SAMMSON: variants seen among roughly 807,000 people sequenced by gnomAD.
SAMMSON encodes survival associated mitochondrial melanoma specific oncogenic non-coding RNA, also known as long intergenic non-protein coding RNA 1212.
intron 4 of SAMMSON, among the ~76,000 whole-genome samples, chr3:70,195,581 T>C (rs1701168177): frequency 6.6e-6 from 1 of 152,200 alleles, no homozygotes; most frequent in South Asian, 2.1e-4. Flanking sequence ...AAAAAACAGG[T>C]ATTTTGGAGC....
rs75749269 is a variant in SAMMSON at position 70,337,402 on chromosome 3, C to T, written n.740-16773C>T. 5.2e-3 allele frequency among the ~76,000 whole-genome samples: 786 copies of T among 151,544 alleles called. 10 individuals are homozygous for T. Among genetic ancestry groups the T allele is most frequent in the African/African-American group, 0.017 (718 of 41,390 alleles). ...GCTGGCAAAGTTGGAATATAGCTAC[C>T]CTGTTAAGTGCTTGTTTTCCCTATT... On this transcript the variant is annotated intron_variant and non_coding_transcript_variant, in intron 7 of 9. Transcript: ENST00000642114.
intron 4 of SAMMSON, chr3:70,204,855 G>T (rs1190067629): frequency 1.3e-5 from 2 of 152,044 alleles, no homozygotes; most frequent in Non-Finnish European, 2.9e-5. Flanking sequence ...ATGTACAATG[G>T]CAATTCCCAG....
At chr3:70,258,185 A>G (rs1701834470) in intron 6 of SAMMSON, among the ~76,000 whole-genome samples, 1 of 152,188 alleles carries the variant, frequency 6.6e-6, no homozygotes. Context: ...ATCATGTTCT[A>G]GAATAAAATA....
intron 9 of SAMMSON, among the ~76,000 whole-genome samples, chr3:70,373,401 T>C (rs1702986883): frequency 6.6e-6 from 1 of 152,184 alleles, no homozygotes; most frequent in South Asian, 2.1e-4. Context: ...AGTTTTCCTT[T>C]GTTTTTAATT....
intron 7 of SAMMSON, among the ~76,000 whole-genome samples, chr3:70,308,456 A>G (rs1024914737): frequency 6.6e-6 from 1 of 152,126 alleles, no homozygotes; most frequent in Non-Finnish European, 1.5e-5. Context: ...GGGTCTGTCA[A>G]TGGTGTTTCT....
rs150211171 is a variant in SAMMSON, at chr3:70,027,878, C to T, written n.417+14206C>T. Among the ~76,000 whole-genome samples, 12 of 152,202 alleles carry T rather than the reference C, an allele frequency of 7.9e-5. 1 individual carries two copies. The highest frequency in any genetic ancestry group is 1.7e-4 in the African/African-American group (7 of 41,546). On this transcript the variant is annotated intron_variant and non_coding_transcript_variant, in intron 3 of 9. Transcript: ENST00000642114. ...GCAAGGTAATGCGGTGATTTCTTTTCGGGCCCCAGCAAAGAATACAGAAGA... is the reference window on the plus strand; with the variant it reads ...GCAAGGTAATGCGGTGATTTCTTTTTGGGCCCCAGCAAAGAATACAGAAGA...
At chr3:70,352,969 T>G (rs1702803766) in intron 7 of SAMMSON, among the ~76,000 whole-genome samples, 1 of 151,916 alleles carries the variant, frequency 6.6e-6, no homozygotes, top group Non-Finnish European at 1.5e-5. Context: ...AATAAACAAT[T>G]CAATGGAACA....
At chr3:70,082,632 A>G (rs72935466) in intron 4 of SAMMSON, among the ~76,000 whole-genome samples, 2,334 of 152,258 alleles carry the variant, frequency 0.015, 52 homozygotes, top group African/African-American at 0.052. Flanking sequence ...AGTGGAAAAA[A>G]TGTGGAGTGG....
chr3:70,420,535 T>C (rs1170837368), intron 2 of SAMMSON, among the ~76,000 whole-genome samples: 1 of 152,226 alleles, frequency 6.6e-6, no homozygotes, highest in African/African-American at 2.4e-5. Flanking sequence ...CTTATTTCAA[T>C]TTACATGCAA....
intron 4 of SAMMSON, among the ~76,000 whole-genome samples, chr3:70,144,370 G>C (rs2067539692): frequency 6.6e-6 from 1 of 151,850 alleles, no homozygotes; most frequent in Admixed American, 6.6e-5. Context: ...TCCCAGTGCT[G>C]GTGTGTATAT....
intron 4 of SAMMSON, among the ~76,000 whole-genome samples, chr3:70,124,244 A>G (rs759349777): frequency 3.3e-5 from 5 of 152,218 alleles, no homozygotes; most frequent in Non-Finnish European, 7.3e-5. Flanking sequence ...GAAGTTAATG[A>G]CTATGTTTCT....
At chr3:70,261,611 G>C (rs1204324128) in intron 6 of SAMMSON, among the ~76,000 whole-genome samples, 2 of 152,034 alleles carry the variant, frequency 1.3e-5, no homozygotes, top group African/African-American at 4.8e-5. Flanking sequence ...TGCCTGAATG[G>C]GCTTTCTTCA....
chr3:70,077,981 C>G (rs1239892466), intron 4 of SAMMSON, among the ~76,000 whole-genome samples: 1 of 152,174 alleles, frequency 6.6e-6, no homozygotes, highest in African/African-American at 2.4e-5. Flanking sequence ...TCTTGGCATT[C>G]CTTGACCCCG....
chr3:70,187,723 A>C (rs1405184628), intron 4 of SAMMSON, among the ~76,000 whole-genome samples: 5 of 151,946 alleles, frequency 3.3e-5, no homozygotes, highest in South Asian at 4.1e-4. Flanking sequence ...GGCCTGAGCC[A>C]CCGCGCCCGG....
intron 3 of SAMMSON, among the ~76,000 whole-genome samples, chr3:70,031,728 G>T (rs2067066785): frequency 6.6e-6 from 1 of 152,092 alleles, no homozygotes; most frequent in African/African-American, 2.4e-5. Context: ...AGTGGGATTT[G>T]GTTAGCTTTT....
chr3:70,031,530 T>C (rs2067066132), intron 3 of SAMMSON, among the ~76,000 whole-genome samples: 1 of 152,170 alleles, frequency 6.6e-6, no homozygotes, highest in Non-Finnish European at 1.5e-5. Context: ...GTTAAAACAG[T>C]AAATTTTATG....
chr3:70,099,125 CAT>C (rs1267824129), intron 4 of SAMMSON, among the ~76,000 whole-genome samples: 2 of 152,100 alleles, frequency 1.3e-5, no homozygotes, highest in African/African-American at 4.8e-5. Flanking sequence ...TTTTGTCAGA[CAT>C]TTAAGTTTTT....
chr3:70,200,672 C>CCTATTAGAA (rs1250106675), intron 4 of SAMMSON, among the ~76,000 whole-genome samples: 2 of 152,188 alleles, frequency 1.3e-5, no homozygotes, highest in Non-Finnish European at 2.9e-5. Flanking sequence ...GTTACCTCCT[C>CCTATTAGAA]CTATTAGAAT....
At chr3:70,076,746 A>G (rs2067249643) in intron 4 of SAMMSON, among the ~76,000 whole-genome samples, 1 of 152,204 alleles carries the variant, frequency 6.6e-6, no homozygotes, top group Admixed American at 6.6e-5. Context: ...GCTCTAATTT[A>G]TCAGCATGTT....
Sources: gnomAD v4.1 joint callset for allele counts (sites outside exome capture counted in the v4.1 genomes callset) on GRCh38, gnomAD v4.1.1 for gene constraint, MANE v1.5 for transcripts, NCBI Gene and HGNC (gene_info 2026-07-23, HGNC 2026-07-21) for gene names.